The following COLGALT2 variants were observed in gnomAD, a reference collection of about 807,000 sequenced individuals.
COLGALT2 encodes the protein collagen beta(1-O)galactosyltransferase 2.
A neutral mutation model predicts 73.4 loss-of-function variants in COLGALT2; 49 were observed. The ratio of observed to expected loss-of-function variants is 0.67; its 90% CI spans 0.53 to 0.85. The LOEUF is 0.85. Among genes scored for constraint, COLGALT2 ranks in the 40% least tolerant of loss-of-function variants. The probability of loss-of-function intolerance (pLI) is 0.00; values close to 1 mark genes in which losing one functional copy is unlikely to be tolerated. For missense variants in COLGALT2, 722 were observed against 790.2 expected, an observed-to-expected ratio of 0.91 and a Z score of 1.03; for synonymous variants, 295 against 307.6, an observed-to-expected ratio of 0.96 and a Z score of 0.43.
Position 183,940,631 on chromosome 1 carries a change from C to T in COLGALT2, c.1554G>A (p.Lys518=), listed in dbSNP as rs758236512. The part of the protein sequence containing the change: ...QKLVGANPFG[K]MLPVDEFLPV... The stretch of plus-strand genomic sequence containing the variant: ...GCAGAAACTCATCCACTGGCAGCAT[C>T]TTCCCAAAAGGATTGGCTCCAACCA... The change falls in exon 11 of 12, where the codon AAG becomes AAA. Residue 518 remains lysine (K), a synonymous_variant. Transcript: ENST00000361927. The T allele has an allele frequency of 5.6e-6, 9 of 1,614,232 alleles. No individual in the cohort carries two copies. In the South Asian group the frequency reaches 9.9e-5, roughly 18 times the overall value.
At chr1:183,982,098 A>G (rs186191365) in intron 1 of COLGALT2, among the ~76,000 whole-genome samples, 1 of 152,326 alleles carries the variant, frequency 6.6e-6, no homozygotes, top group African/African-American at 2.4e-5. Context: ...TTAGATGAGA[A>G]CCAACTCTTC....
intron 1 of COLGALT2, among the ~76,000 whole-genome samples, chr1:184,035,871 AG>A (rs1400341709): frequency 6.6e-6 from 1 of 152,204 alleles, no homozygotes; most frequent in Non-Finnish European, 1.5e-5. Flanking sequence ...CACGTATGGC[AG>A]GGTATATAGT....
At chr1:183,970,922 G>A (rs951833685) in intron 4 of COLGALT2, among the ~76,000 whole-genome samples, 1 of 152,156 alleles carries the variant, frequency 6.6e-6, no homozygotes, top group African/African-American at 2.4e-5. Context: ...AGGGGACTCG[G>A]GTTTTTTAAA....
At chr1:183,999,647 G>T (rs6701930) in intron 1 of COLGALT2, among the ~76,000 whole-genome samples, 3 of 151,918 alleles carry the variant, frequency 2.0e-5, no homozygotes, top group African/African-American at 4.8e-5. Context: ...TTATAAAAAC[G>T]TGCAGGATTT....
At chr1:184,003,701 T>A (rs1227888495) in intron 1 of COLGALT2, among the ~76,000 whole-genome samples, 1 of 152,188 alleles carries the variant, frequency 6.6e-6, no homozygotes, top group Non-Finnish European at 1.5e-5. Flanking sequence ...GATAGTATGT[T>A]TTTAAAGAGT....
chr1:183,976,245 C>A (rs1671185633), intron 2 of COLGALT2, among the ~76,000 whole-genome samples: 1 of 151,986 alleles, frequency 6.6e-6, no homozygotes, highest in South Asian at 2.1e-4. Context: ...CATTATAAGG[C>A]ACTCTAAAGG....
Position 184,037,489 on chromosome 1 carries a change from C to G in COLGALT2, c.-132G>C, listed in dbSNP as rs952563155. ...GGGGGATGCGGCTTGCCGCGGCCGG[C>G]CGGCTCACACACTGGCCTCGGCGGC... On this transcript the variant is annotated 5_prime_UTR_variant, in exon 1 of 12. Coordinates refer to ENST00000361927, the MANE Select transcript of COLGALT2 (RefSeq NM_015101.4). 7.7e-4 allele frequency: 905 copies of G among 1,177,836 alleles called. 3 individuals are homozygous for G. The highest frequency in any genetic ancestry group is 8.5e-4 in the Non-Finnish European group (813 of 954,854). 73.0% of individuals were successfully genotyped at this position (1,177,836 alleles called of 1,614,324 possible). A position where few individuals can be genotyped will look rare whatever the true frequency, so the allele number is the denominator to read the frequency against.
chr1:183,972,072 C>T (rs1021237707), intron 4 of COLGALT2, among the ~76,000 whole-genome samples: 1 of 152,336 alleles, frequency 6.6e-6, no homozygotes, highest in Admixed American at 6.5e-5. Flanking sequence ...AAAGGGGAGA[C>T]TCAAACTTTA....
intron 1 of COLGALT2, among the ~76,000 whole-genome samples, chr1:183,999,084 C>A (rs563496605): frequency 1.3e-5 from 2 of 152,076 alleles, no homozygotes; most frequent in Admixed American, 1.3e-4. Context: ...ATATTTGTTA[C>A]AGTCTGCTTT....
At chr1:183,983,853 C>T (rs530897452) in intron 1 of COLGALT2, among the ~76,000 whole-genome samples, 1 of 152,348 alleles carries the variant, frequency 6.6e-6, no homozygotes, top group East Asian at 1.9e-4. Context: ...GCAGACATCA[C>T]TAATGGATTC....
chr1:183,973,904 T>G (rs1671121821), intron 3 of COLGALT2, among the ~76,000 whole-genome samples, 154 bp from the exon 4 acceptor site: 2 of 152,168 alleles, frequency 1.3e-5, no homozygotes. Context: ...TGCAGCTAGG[T>G]GGCTTTCATT....
rs71717219 is a variant in COLGALT2, at chr1:184,015,096, T to TA, written c.263+21998dup. ...CTGGGATTGGGCTTTTTCTAGTGGGTAAAAAAAAAAAGATGCCAGAGGAAG... is the reference window on the plus strand; with the variant it reads ...CTGGGATTGGGCTTTTTCTAGTGGGTAAAAAAAAAAAAGATGCCAGAGGAAG... On this transcript the variant is annotated intron_variant, in intron 1 of 11. Transcript: ENST00000361927. 9.6e-4 allele frequency among the ~76,000 whole-genome samples: 138 copies of TA among 144,176 alleles called. 1 individual carries two copies. In the East Asian group the frequency reaches 0.011, roughly 12 times the overall value. 94.6% of individuals were successfully genotyped at this position (144,176 alleles called of 152,430 possible). A position where few individuals can be genotyped will look rare whatever the true frequency, so the allele number is the denominator to read the frequency against.
intron 1 of COLGALT2, among the ~76,000 whole-genome samples, chr1:184,000,321 T>G (rs1175399143): frequency 6.6e-6 from 1 of 152,108 alleles, no homozygotes; most frequent in African/African-American, 2.4e-5. Flanking sequence ...CTTAACTTAT[T>G]GATTGATTGA....
At chr1:184,017,908 G>A (rs777862348) in intron 1 of COLGALT2, among the ~76,000 whole-genome samples, 40 of 152,266 alleles carry the variant, frequency 2.6e-4, no homozygotes, top group Middle Eastern at 3.4e-3. Context: ...CAGGGCTGTT[G>A]TGAGCTCGGA....
intron 6 of COLGALT2, among the ~76,000 whole-genome samples, chr1:183,957,993 T>C (rs1411285376): frequency 6.6e-6 from 1 of 152,118 alleles, no homozygotes; most frequent in Non-Finnish European, 1.5e-5. Context: ...CACCTTATGC[T>C]GTAATTTGCA....
At chr1:184,036,956 G>T in intron 1 of COLGALT2, 139 bp downstream of exon 1, 1 of 699,862 alleles carries the variant, frequency 1.4e-6, no homozygotes, top group Non-Finnish European at 2.0e-6. Flanking sequence ...GCGAGGGGGT[G>T]TGTGCGCCAG....
chr1:184,005,226 A>G (rs973374836), intron 1 of COLGALT2, among the ~76,000 whole-genome samples: 3 of 152,218 alleles, frequency 2.0e-5, no homozygotes, highest in African/African-American at 7.2e-5. Context: ...CCCTGGGCCT[A>G]TGGATGCAGA....
downstream of COLGALT2, among the ~76,000 whole-genome samples, chr1:183,932,409 G>C (rs1305126065): frequency 6.6e-6 from 1 of 152,050 alleles, no homozygotes; most frequent in East Asian, 1.9e-4. Flanking sequence ...ACAAGAGTTA[G>C]TTGCTGTTAT....
intron 8 of COLGALT2, chr1:183,946,624 T>C (rs779437309): frequency 6.6e-6 from 1 of 152,172 alleles, no homozygotes; most frequent in Non-Finnish European, 1.5e-5. Context: ...GAAAAAGATA[T>C]ACCATATAAT....
Sources: allele counts gnomAD v4.1 joint callset (sites outside exome capture counted in the v4.1 genomes callset), GRCh38; gene constraint gnomAD v4.1.1; transcripts MANE v1.5; gene names NCBI Gene and HGNC (gene_info 2026-07-23, HGNC 2026-07-21).